Variants in ZNF525 observed in about 807,000 individuals in gnomAD.
ZNF525 encodes zinc finger protein 525.
Under a neutral mutation model 37.6 loss-of-function variants are expected in ZNF525, and 33 were observed. The observed-to-expected ratio is 0.88, with a 90% CI of 0.67 to 1.17. The LOEUF is 1.17. Among genes scored for constraint, ZNF525 ranks in the 50% most tolerant of loss-of-function variants. The pLI, the probability that ZNF525 is intolerant of heterozygous loss-of-function variation, is 0.00. For missense variants in ZNF525, 449 were observed against 543.1 expected (o/e 0.83, Z 1.72); for synonymous variants, 170 against 182.3 (o/e 0.93, Z 0.54).
Position 53,382,080 on chromosome 19 carries a change from G to A in ZNF525, c.*61G>A. The A allele has an allele frequency of 6.8e-7, 1 of 1,472,276 alleles. No individual in the cohort carries two copies. Among genetic ancestry groups the A allele is most frequent in the Non-Finnish European group, 9.4e-7 (1 of 1,062,884 alleles). The allele number at this position is 1,472,276 out of a possible 1,614,324, so 91.2% of individuals were successfully genotyped here. On this transcript the variant is annotated 3_prime_UTR_variant, in exon 4 of 4. Transcript: ENST00000474037. Reference sequence around the variant, plus strand: ...GAAATGTTATAAGTGTAATGATTGTGGCAAGATCTTCAGTCATACGTCATC... The same window carrying A: ...GAAATGTTATAAGTGTAATGATTGTAGCAAGATCTTCAGTCATACGTCATC...
intron 1 of ZNF525, among the ~76,000 whole-genome samples, chr19:53,369,941 G>A (rs1056372920): frequency 6.1e-5 from 9 of 147,006 alleles, no homozygotes; most frequent in Admixed American, 1.3e-4. Flanking sequence ...AGCCAGGATG[G>A]TCTCGATCTC....
Position 53,384,161 on chromosome 19 carries a change from A to C in ZNF525, c.*2142A>C. 2.5e-6 allele frequency: 1 copy of C among 399,534 alleles called. No homozygotes were observed. The highest frequency in any genetic ancestry group is 2.1e-5 in the African/African-American group (1 of 47,670). 24.7% of individuals were successfully genotyped at this position (399,534 alleles called of 1,614,324 possible). On this transcript the variant is annotated 3_prime_UTR_variant, in exon 4 of 4. Coordinates refer to ENST00000474037, the MANE Select transcript of ZNF525 (RefSeq NM_001348156.2). ...TTTGAGTTGACTTAACATTGAGTTCAAGCCTTAATTGACATTAAAGTGTTT... is the reference window on the plus strand; with the variant it reads ...TTTGAGTTGACTTAACATTGAGTTCCAGCCTTAATTGACATTAAAGTGTTT...
chr19:53,385,135 T>C lies in ZNF525; in HGVS notation c.*3116T>C. ...CAGAAATAACTGGCACTTGAATATC[T>C]ACATTTTTTTAATATCCTCTTGAAT... On this transcript the variant is annotated 3_prime_UTR_variant, in exon 4 of 4. Coordinates refer to ENST00000474037, the MANE Select transcript of ZNF525 (RefSeq NM_001348156.2). The C allele has an allele frequency of 1.9e-6, 1 of 520,932 alleles. No individual in the cohort carries two copies. The highest frequency in any genetic ancestry group is 3.3e-5 in the East Asian group (1 of 30,638). 32.3% of individuals were successfully genotyped at this position (520,932 alleles called of 1,614,324 possible). A position where few individuals can be genotyped will look rare whatever the true frequency, so the allele number is the denominator to read the frequency against.
intron 3 of ZNF525, among the ~76,000 whole-genome samples, chr19:53,378,271 A>G (rs2085535489): frequency 6.6e-6 from 1 of 152,202 alleles, no homozygotes; most frequent in Admixed American, 6.5e-5. Flanking sequence ...AGCCTGACCA[A>G]CATGGTGAAA....
chr19:53,382,682 GCTACAA>G lies in ZNF525; in HGVS notation c.*667_*672del. 1 of 737,198 alleles carries G rather than the reference GCTACAA, an allele frequency of 1.4e-6. No individual in the cohort carries two copies. Among genetic ancestry groups the G allele is most frequent in the Non-Finnish European group, 2.5e-6 (1 of 402,422 alleles). The allele number at this position is 737,198 out of a possible 1,614,324, so 45.7% of individuals were successfully genotyped here. On this transcript the variant is annotated 3_prime_UTR_variant, in exon 4 of 4. Coordinates refer to ENST00000474037, the MANE Select transcript of ZNF525 (RefSeq NM_001348156.2). The stretch of plus-strand genomic sequence containing the variant: ...TGATTGTCACCACGTCTTCAGTAAT[GCTACAA>G]CTATTGCAAATCATTGGAGAATCCA...
chr19:53,366,812 A>G (rs28533083), intron 1 of ZNF525, among the ~76,000 whole-genome samples: 43,416 of 144,018 alleles, frequency 0.3, 7,088 homozygotes, highest in African/African-American at 0.48. Flanking sequence ...GGTATAACAG[A>G]GAAGAGAGAA....
Position 53,384,847 on chromosome 19 carries a change from C to T in ZNF525, c.*2828C>T, listed in dbSNP as rs909730326. 9 of 653,328 alleles carry T rather than the reference C, an allele frequency of 1.4e-5. No individual in the cohort carries two copies. In the South Asian group the frequency reaches 1.4e-4, roughly 10 times the overall value. 40.5% of individuals were successfully genotyped at this position (653,328 alleles called of 1,614,324 possible). A position where few individuals can be genotyped will look rare whatever the true frequency, so the allele number is the denominator to read the frequency against. ...ATTGAATAGAAGGGGTGAGAGCATT[C>T]TTGCATCATGTGAGATCGTACAGGA... On this transcript the variant is annotated 3_prime_UTR_variant, in exon 4 of 4. Transcript: ENST00000474037.
At chr19:53,379,372 TC>T (rs2085543763) in intron 3 of ZNF525, 1 of 152,190 alleles carries the variant, frequency 6.6e-6, no homozygotes, top group African/African-American at 2.4e-5. Context: ...CACCTCGGCC[TC>T]CCAAAGTGCT....
intron 3 of ZNF525, among the ~76,000 whole-genome samples, chr19:53,377,611 G>T (rs2085531573): frequency 6.9e-6 from 1 of 145,176 alleles, no homozygotes; most frequent in Non-Finnish European, 1.5e-5. Flanking sequence ...CTGGAGTGCA[G>T]TGGCACAATC....
In ZNF525 at chr19:53,381,934, T is replaced by A. The variant is rs1291512007; in HGVS notation, c.1355T>A (p.Leu452Ter). The A allele has an allele frequency of 1.0e-6, 1 of 956,472 alleles. No homozygotes were observed. 59.2% of individuals were successfully genotyped at this position (956,472 alleles called of 1,614,324 possible). A position where few individuals can be genotyped will look rare whatever the true frequency, so the allele number is the denominator to read the frequency against. The change falls in exon 4 of 4, where the codon TTA (leucine) becomes TAA (stop). Residue 452 changes from leucine to a stop codon, truncating the protein, a stop_gained. Transcript: ENST00000474037. LOFTEE classifies it high-confidence loss of function. ...NECGKTFSQE[L>*]SLTCHCRLHS... ...TGTGGCAAGACCTTCAGTCAGGAGT[T>A]ATCCCTTACCTGCCATTGTAGACTT...
intron 2 of ZNF525, among the ~76,000 whole-genome samples, chr19:53,372,827 A>G (rs1246245869): frequency 6.6e-6 from 1 of 152,226 alleles, no homozygotes; most frequent in Non-Finnish European, 1.5e-5. Context: ...ACAGACATGA[A>G]TGATACAAGA....
Position 53,381,770 on chromosome 19 carries a change from C to A in ZNF525, c.1191C>A (p.Thr397=). ...DCGKTFSHMS[T]LTCHRRLHTG... The stretch of plus-strand genomic sequence containing the variant: ...GCAAGACCTTCAGTCATATGTCAAC[C>A]CTTACATGCCATCGTAGACTTCATA... Residue 397 remains threonine (T), a synonymous_variant, in exon 4 of 4, where the codon ACC becomes ACA. Coordinates refer to ENST00000474037, the MANE Select transcript of ZNF525 (RefSeq NM_001348156.2). 9.5e-7 allele frequency: 1 copy of A among 1,052,596 alleles called. No homozygotes were observed. The highest frequency in any genetic ancestry group is 1.5e-6 in the Non-Finnish European group (1 of 666,776). The allele number at this position is 1,052,596 out of a possible 1,614,324, so 65.2% of individuals were successfully genotyped here.
At position 53,383,931 on chromosome 19, in the gene ZNF525, C is replaced by T. The variant is rs553700589; in HGVS notation, c.*1912C>T. The T allele has an allele frequency of 1.2e-3, 853 of 692,976 alleles. 2 individuals carry two copies. The highest frequency in any genetic ancestry group is 1.3e-3 in the Non-Finnish European group (520 of 389,734). The allele number at this position is 692,976 out of a possible 1,614,324, so 42.9% of individuals were successfully genotyped here. A position where few individuals can be genotyped will look rare whatever the true frequency, so the allele number is the denominator to read the frequency against. The stretch of plus-strand genomic sequence containing the variant: ...GATGATCGTGGCAAAGCCTTTACTT[C>T]ACATTCTCACCTCATTAGACATCAG... On this transcript the variant is annotated 3_prime_UTR_variant, in exon 4 of 4. Coordinates refer to ENST00000474037, the MANE Select transcript of ZNF525 (RefSeq NM_001348156.2).
At chr19:53,378,351 A>C (rs2085535997) in intron 3 of ZNF525, among the ~76,000 whole-genome samples, 1 of 152,082 alleles carries the variant, frequency 6.6e-6, no homozygotes, top group Non-Finnish European at 1.5e-5. Flanking sequence ...CAAGTACTCG[A>C]GAGGCTGAGG....
At chr19:53,366,796 AC>A (rs1296419052) in intron 1 of ZNF525, among the ~76,000 whole-genome samples, 13 of 121,418 alleles carry the variant, frequency 1.1e-4, no homozygotes, top group African/African-American at 2.6e-4. Context: ...GAGAGTGGGG[AC>A]AGGGGGTATA....
At chr19:53,371,045 A>G (rs1276400807) in intron 1 of ZNF525, among the ~76,000 whole-genome samples, 2 of 152,148 alleles carry the variant, frequency 1.3e-5, no homozygotes, top group African/African-American at 4.8e-5. Flanking sequence ...CTATGTCCCT[A>G]AATGATGACA....
At chr19:53,372,988 A>G (rs1488980065) in intron 2 of ZNF525, among the ~76,000 whole-genome samples, 1 of 152,204 alleles carries the variant, frequency 6.6e-6, no homozygotes, top group Non-Finnish European at 1.5e-5. Context: ...AAAAATGGTT[A>G]TAACTTTTCT....
At chr19:53,375,747 G>A (rs550650095) in intron 2 of ZNF525, 23 bp from the exon 3 acceptor site, 1 of 1,611,876 alleles carries the variant, frequency 6.2e-7, no homozygotes, top group African/African-American at 1.3e-5. Context: ...TAACCATTTG[G>A]TTAAAATGTG....
Position 53,383,465 on chromosome 19 carries a change from C to T in ZNF525, c.*1446C>T, listed in dbSNP as rs1339052570. 1 of 1,028,250 alleles carries T rather than the reference C, an allele frequency of 9.7e-7. No homozygotes were observed. Among genetic ancestry groups the T allele is most frequent in the East Asian group, 3.5e-5 (1 of 28,634 alleles). The allele number at this position is 1,028,250 out of a possible 1,614,324, so 63.7% of individuals were successfully genotyped here. ...ACCTCGAAAGACAGGAGAATTCATA[C>T]TGGAGAGAAACCATAAAAATGTAAG... is the stretch of plus-strand genomic sequence containing the variant. On this transcript the variant is annotated 3_prime_UTR_variant, in exon 4 of 4. Coordinates refer to ENST00000474037, the MANE Select transcript of ZNF525 (RefSeq NM_001348156.2).
Sources: allele counts gnomAD v4.1 joint callset (sites outside exome capture counted in the v4.1 genomes callset), GRCh38; gene constraint gnomAD v4.1.1; transcripts MANE v1.5; gene names NCBI Gene and HGNC (gene_info 2026-07-23, HGNC 2026-07-21).